Variants in EML5 observed in about 807,000 individuals in gnomAD.
The protein encoded by EML5 is EMAP like 5.
A neutral mutation model predicts 250.0 loss-of-function variants in EML5; 120 were observed. That is an observed-to-expected ratio of 0.48 (90% confidence interval 0.41 to 0.56). EML5 has a LOEUF of 0.56. Ranked by LOEUF, EML5 falls within the 20% of genes least tolerant of loss-of-function variation. The pLI is 0.00. For synonymous variants in EML5, 771 were observed against 806.5 expected, an observed-to-expected ratio of 0.96 and a Z score of 0.75; for missense variants, 2,006 against 2,437.6, an observed-to-expected ratio of 0.82 and a Z score of 3.73.
intron 1 of EML5, among the ~76,000 whole-genome samples, chr14:88,791,557 T>G (rs1037971464): frequency 6.6e-6 from 1 of 152,162 alleles, no homozygotes; most frequent in African/African-American, 2.4e-5. Flanking sequence ...GGACCAACTT[T>G]GAGTTATTGT....
intron 28 of EML5, among the ~76,000 whole-genome samples, 175 bp downstream of exon 28, chr14:88,649,737 T>C (rs151261129): frequency 1.2e-4 from 18 of 152,278 alleles, no homozygotes; most frequent in African/African-American, 3.9e-4. Context: ...ATAACAACCA[T>C]ATATGCTATC....
chr14:88,680,396 G>T (rs530668276), intron 21 of EML5, among the ~76,000 whole-genome samples: 203 of 152,098 alleles, frequency 1.3e-3, no homozygotes, highest in Non-Finnish European at 2.3e-3. Context: ...CCTGGCCTGG[G>T]TTCTCCACAG....
chr14:88,658,164 T>A, intron 26 of EML5, 23 bp downstream of exon 26: 1 of 1,611,358 alleles, frequency 6.2e-7, no homozygotes, highest in Non-Finnish European at 8.5e-7. Flanking sequence ...ATATTTTTGT[T>A]CAAGTATTAT....
At chr14:88,626,575 C>T (rs2089972796) in intron 35 of EML5, 2 of 430,600 alleles carry the variant, frequency 4.6e-6, no homozygotes, top group South Asian at 2.5e-5. Context: ...TATAATCGCA[C>T]CATTGCACCC....
At chr14:88,644,288 C>T in intron 30 of EML5, 145 bp downstream of exon 30, 1 of 663,688 alleles carries the variant, frequency 1.5e-6, no homozygotes, top group Non-Finnish European at 2.5e-6. Context: ...CCATCCAAAA[C>T]TCAGACTTAC....
rs1266228384 is a variant in EML5 at position 88,612,774 on chromosome 14, ATTAC to A, written c.*3040_*3043del. 1 of 152,484 alleles carries A rather than the reference ATTAC, an allele frequency of 6.6e-6. No homozygotes were observed. Among genetic ancestry groups the A allele is most frequent in the East Asian group, 1.9e-4 (1 of 5,204 alleles). 9.4% of individuals were successfully genotyped at this position (152,484 alleles called of 1,614,324 possible). ...TAGGATGAAACTTTTGGCCTACTGTATTACTTACAGAGTTTTTTTGTGTGTGGTT... is the reference window on the plus strand; with the variant it reads ...TAGGATGAAACTTTTGGCCTACTGTATTACAGAGTTTTTTTGTGTGTGGTT... On this transcript the variant is annotated 3_prime_UTR_variant, in exon 44 of 44. Transcript: ENST00000554922.
At chr14:88,666,919 G>A (rs2092324409) in intron 21 of EML5, among the ~76,000 whole-genome samples, 1 of 152,302 alleles carries the variant, frequency 6.6e-6, no homozygotes, top group Non-Finnish European at 1.5e-5. Flanking sequence ...TGATTTCTCA[G>A]ATTTGAGAGT....
chr14:88,645,481 T>TG (rs2091303628), intron 29 of EML5, among the ~76,000 whole-genome samples: 1 of 152,246 alleles, frequency 6.6e-6, no homozygotes, highest in Admixed American at 6.5e-5. Flanking sequence ...CTAAAGTATC[T>TG]AACAGAGTAT....
intron 28 of EML5, among the ~76,000 whole-genome samples, chr14:88,649,455 A>T (rs1039940498): frequency 3.6e-4 from 55 of 152,360 alleles, no homozygotes; most frequent in Non-Finnish European, 5.0e-4. Context: ...TAGATATAAA[A>T]GTAACCCAAA....
intron 8 of EML5, among the ~76,000 whole-genome samples, chr14:88,716,482 C>CCCTA (rs1419671027): frequency 6.6e-6 from 1 of 152,098 alleles, no homozygotes; most frequent in Non-Finnish European, 1.5e-5. Flanking sequence ...ATTCCTCCCT[C>CCCTA]CCTATATGGA....
intron 20 of EML5, among the ~76,000 whole-genome samples, chr14:88,684,628 A>T (rs1019012143): frequency 2.6e-5 from 4 of 152,140 alleles, no homozygotes; most frequent in African/African-American, 9.6e-5. Context: ...ATATAAATAA[A>T]ATTAAAAACA....
Position 88,695,423 on chromosome 14 carries a change from T to C in EML5, c.2376A>G (p.Ile792Met). The C allele has an allele frequency of 1.2e-6, 2 of 1,612,674 alleles. No homozygotes were observed. Among genetic ancestry groups the C allele is most frequent in the South Asian group, 1.1e-5 (1 of 90,682 alleles). The change falls in exon 16 of 44, where the codon ATA becomes ATG. Residue 792 changes from isoleucine to methionine, a missense_variant. Ile to Met is a conservative substitution (Grantham distance 10, BLOSUM62 1). Around this residue, in one of 7 missense-constraint regions of EML5, gnomAD observed 1,375 missense variants for 1,590.3 expected, o/e 0.86. Coordinates refer to ENST00000554922, the MANE Select transcript of EML5 (RefSeq NM_183387.3). ...ADGKRLASVG[I>M]DDSHTVVLWD... is the part of the protein sequence containing the mutation. Reference sequence around the variant, plus strand: ...AGAGCACAACAGTATGGCTATCATCTATGCCAACTGATGCCAAACGTTTCC... The same window carrying C: ...AGAGCACAACAGTATGGCTATCATCCATGCCAACTGATGCCAAACGTTTCC...
intron 1 of EML5, among the ~76,000 whole-genome samples, chr14:88,773,219 A>G (rs2094412171): frequency 6.6e-6 from 1 of 152,242 alleles, no homozygotes; most frequent in Non-Finnish European, 1.5e-5. Flanking sequence ...GATATCATAC[A>G]GGATGCACAT....
rs1450762133 is a variant in EML5, at chr14:88,792,769, C to T, written c.-266G>A. ...GATGCCCAGAGCCCTTCGCCCGCCT[C>T]GGCTCGCCTAGTCTCCTCAGCCCGT... On this transcript the variant is annotated 5_prime_UTR_variant, in exon 1 of 44. Coordinates refer to ENST00000554922, the MANE Select transcript of EML5 (RefSeq NM_183387.3). The surrounding 1 kb of genome is among the most constrained non-coding windows in gnomAD (Gnocchi z 6.9). 2 of 1,037,130 alleles carry T rather than the reference C, an allele frequency of 1.9e-6. No individual in the cohort carries two copies. Among genetic ancestry groups the T allele is most frequent in the Admixed American group, 5.7e-5 (1 of 17,652 alleles). 64.2% of individuals were successfully genotyped at this position (1,037,130 alleles called of 1,614,324 possible). A position where few individuals can be genotyped will look rare whatever the true frequency, so the allele number is the denominator to read the frequency against.
In EML5 at chr14:88,770,305, T is replaced by C. The variant is rs182797699; in HGVS notation, c.198-15634A>G. 4.6e-5 allele frequency among the ~76,000 whole-genome samples: 7 copies of C among 152,326 alleles called. No individual in the cohort carries two copies. The East Asian group carries it at 1.3e-3, about 29-fold the overall frequency. The stretch of plus-strand genomic sequence containing the variant: ...GAGGTTCAATTTATAATTTTACTTT[T>C]TATAATTCATGCTTTTTGTGTTCTA... On this transcript the variant is annotated intron_variant, in intron 1 of 43. Coordinates refer to ENST00000554922, the MANE Select transcript of EML5 (RefSeq NM_183387.3).
chr14:88,759,706 T>TAAAAAAAAAAAAAAAAAAAAAA (rs2094212320), intron 1 of EML5, among the ~76,000 whole-genome samples: 2 of 66,162 alleles, frequency 3.0e-5, no homozygotes, highest in Admixed American at 1.5e-4. Flanking sequence ...AAAAAAAAAC[T>TAAAAAAAAAAAAAAAAAAAAAA]GGGGAGAAAA....
At chr14:88,646,389 T>C (rs531872110) in intron 29 of EML5, among the ~76,000 whole-genome samples, 10 of 152,318 alleles carry the variant, frequency 6.6e-5, no homozygotes, top group African/African-American at 2.4e-4. Flanking sequence ...CTTCTTCATA[T>C]ACTTTTTTGG....
At chr14:88,785,631 C>T (rs1025575563) in intron 1 of EML5, among the ~76,000 whole-genome samples, 3 of 152,188 alleles carry the variant, frequency 2.0e-5, no homozygotes, top group African/African-American at 7.2e-5. Flanking sequence ...TCATCACTGA[C>T]CTTTCTTTTC....
Position 88,792,347 on chromosome 14 carries a change from T to G in EML5, c.157A>C (p.Arg53=). ...CTGTGGCCCCGGTAGAACTTCTGCC[T>G]GTGCTCCCGCGGGCTGTACACCACG... ...VGVVYSPREH[R]QKFYRGHSDD... Residue 53 remains arginine, a synonymous_variant, in exon 1 of 44, where the codon AGG becomes CGG. Coordinates refer to ENST00000554922, the MANE Select transcript of EML5 (RefSeq NM_183387.3). This position sits in a 1 kb window ranked among gnomAD's most constrained non-coding sequence, Gnocchi z 6.9. The G allele has an allele frequency of 6.4e-7, 1 of 1,567,686 alleles. No individual in the cohort carries two copies.
Sources: gnomAD v4.1 joint callset for allele counts (sites outside exome capture counted in the v4.1 genomes callset) on GRCh38, gnomAD v4.1.1 for gene constraint, gnomAD v4.1.1 regional missense constraint, Gnocchi (gnomAD v3.1) non-coding constraint, MANE v1.5 for transcripts, NCBI Gene and HGNC (gene_info 2026-07-23, HGNC 2026-07-21) for gene names.